FOXP2: variants seen among roughly 807,000 people sequenced by gnomAD.
FOXP2 encodes forkhead box P2.
Under a neutral mutation model 115.8 loss-of-function variants are expected in FOXP2, and 12 were observed. The ratio of observed to expected loss-of-function variants is 0.10; its 90% CI spans 0.07 to 0.17. The LOEUF (loss-of-function observed/expected upper bound fraction) is 0.17, where lower values mean the gene tolerates loss of function less well. FOXP2 is among the 10% of genes least tolerant of loss of function. The probability of loss-of-function intolerance (pLI) is 1.00; values close to 1 mark genes in which losing one functional copy is unlikely to be tolerated. For missense variants in FOXP2, 629 were observed against 843.5 expected, an observed-to-expected ratio of 0.75 and a Z score of 3.15; for synonymous variants, 328 against 297.7, an observed-to-expected ratio of 1.10 and a Z score of -1.05.
At chr7:114,261,259 C>T (rs1795743184) in intron 1 of FOXP2, among the ~76,000 whole-genome samples, 1 of 152,170 alleles carries the variant, frequency 6.6e-6, no homozygotes. Flanking sequence ...AACTTTCCCA[C>T]CTGACATGAA....
rs202049981 is a variant in FOXP2, at chr7:114,642,528, G to A, written c.894G>A (p.Ser298=). ...ACCTCACTACTAACAATTCCTCCTC[G>A]ACTACCTCCTCCAACACTTCCAAAG... ...GLDLTTNNSS[S]TTSSNTSKAS... Residue 298 remains serine (S), a synonymous_variant, in exon 7 of 17, where the codon TCG becomes TCA. Transcript: ENST00000350908. 7 of 1,613,520 alleles carry A rather than the reference G, an allele frequency of 4.3e-6. No individual in the cohort carries two copies. Among genetic ancestry groups the A allele is most frequent in the East Asian group, 2.2e-5 (1 of 44,830 alleles).
At chr7:114,438,026 G>T (rs182945241) in intron 2 of FOXP2, among the ~76,000 whole-genome samples, 2 of 152,106 alleles carry the variant, frequency 1.3e-5, no homozygotes, top group East Asian at 3.9e-4. Flanking sequence ...TGATATTCTG[G>T]AATATATTGG....
At chr7:114,496,257 T>C (rs1274170222) in intron 2 of FOXP2, among the ~76,000 whole-genome samples, 1 of 152,170 alleles carries the variant, frequency 6.6e-6, no homozygotes, top group Non-Finnish European at 1.5e-5. Context: ...TAAAGAACTA[T>C]AAATTTGGCA....
intron 1 of FOXP2, among the ~76,000 whole-genome samples, chr7:114,266,495 G>A (rs949469491): frequency 1.3e-5 from 2 of 152,102 alleles, no homozygotes; most frequent in South Asian, 2.1e-4. Flanking sequence ...ATTTCACATG[G>A]CAAAAGCAGA....
At chr7:114,105,986 A>C (rs182504559) in intron 1 of FOXP2, among the ~76,000 whole-genome samples, 87 of 152,170 alleles carry the variant, frequency 5.7e-4, no homozygotes, top group African/African-American at 2.0e-3. Context: ...GAAAGCAGAA[A>C]CGATGTCTTC....
intron 3 of FOXP2, among the ~76,000 whole-genome samples, chr7:114,623,706 C>T (rs908966290): frequency 2.0e-5 from 3 of 151,918 alleles, no homozygotes; most frequent in African/African-American, 7.2e-5. Context: ...ACAAACACTA[C>T]TTCCCAAAAC....
chr7:114,378,346 T>TG (rs1442135735), intron 2 of FOXP2, among the ~76,000 whole-genome samples: 1 of 152,124 alleles, frequency 6.6e-6, no homozygotes, highest in African/African-American at 2.4e-5. Flanking sequence ...TTAGGCTTCC[T>TG]GCTAATTCTT....
intron 1 of FOXP2, among the ~76,000 whole-genome samples, chr7:114,218,085 T>C (rs1216681632): frequency 6.6e-6 from 1 of 152,178 alleles, no homozygotes; most frequent in Non-Finnish European, 1.5e-5. Context: ...ATCTGTTTTC[T>C]CTATTAGACT....
intron 1 of FOXP2, among the ~76,000 whole-genome samples, chr7:114,228,596 A>G (rs541219022): frequency 2.0e-5 from 3 of 152,074 alleles, no homozygotes; most frequent in African/African-American, 7.2e-5. Context: ...GAACAAGAAG[A>G]AAAGAGCTAC....
chr7:114,530,345 C>A (rs770267015), intron 2 of FOXP2, among the ~76,000 whole-genome samples: 1 of 151,904 alleles, frequency 6.6e-6, no homozygotes, highest in Non-Finnish European at 1.5e-5. Context: ...GATTTTGTAG[C>A]CTTCAGCTCT....
In FOXP2 at chr7:114,631,556, A is replaced by T. The variant is rs1366123623; in HGVS notation, c.626A>T (p.Gln209Leu). The change falls in exon 6 of 17, where the codon CAA becomes CTA. Residue 209 changes from glutamine to leucine, a missense_variant. By Grantham distance (113) the Gln-to-Leu change is moderately radical. Transcript: ENST00000350908. ...CAGCAGCAGCAGCAGCAGCAACAGC[A>T]ATTGGCAGCCCAGCAGCTTGTCTTC... ...EQQQQQQQQQQLAAQQLVFQQ... is the reference protein window; with the variant it reads ...EQQQQQQQQQLLAAQQLVFQQ... The T allele has an allele frequency of 6.3e-7, 1 of 1,589,568 alleles. No individual in the cohort carries two copies. Among genetic ancestry groups the T allele is most frequent in the Non-Finnish European group, 8.6e-7 (1 of 1,167,334 alleles).
chr7:114,221,967 T>C (rs1411134956), intron 1 of FOXP2, among the ~76,000 whole-genome samples: 1 of 152,102 alleles, frequency 6.6e-6, no homozygotes, highest in Non-Finnish European at 1.5e-5. Context: ...GGATGTAATA[T>C]TGACTTCTGA....
chr7:114,438,940 G>A (rs1198184915), intron 2 of FOXP2, among the ~76,000 whole-genome samples: 3 of 152,166 alleles, frequency 2.0e-5, no homozygotes, highest in South Asian at 4.1e-4. Flanking sequence ...AGATGTTAAT[G>A]TGATCTGAGA....
Position 114,172,424 on chromosome 7 carries a change from G to A in FOXP2, c.-102+9336G>A, listed in dbSNP as rs553927620. 6.6e-5 allele frequency among the ~76,000 whole-genome samples: 10 copies of A among 152,294 alleles called. No individual in the cohort carries two copies. The South Asian group carries it at 1.4e-3, about 22-fold the overall frequency. On this transcript the variant is annotated intron_variant, in intron 1 of 17. Coordinates refer to the FOXP2 transcript ENST00000634411. ...CAGCCATTCTCTATGATATTTTAAT[G>A]TTGGACACATGGCATTATGTGTTTG...
intron 1 of FOXP2, among the ~76,000 whole-genome samples, chr7:114,263,715 G>C (rs771696967): frequency 6.6e-6 from 1 of 150,440 alleles, no homozygotes; most frequent in Non-Finnish European, 1.5e-5. Context: ...TAACTGTTAT[G>C]GTTCCTTTAA....
At chr7:114,481,790 A>ATCTATCTATCTG (rs1356262349) in intron 2 of FOXP2, among the ~76,000 whole-genome samples, 1 of 150,666 alleles carries the variant, frequency 6.6e-6, no homozygotes, top group Non-Finnish European at 1.5e-5. Context: ...CTATCTATCT[A>ATCTATCTATCTG]TCTATCTATC....
chr7:114,421,720 A>T (rs1018899129), intron 1 of FOXP2, among the ~76,000 whole-genome samples: 1 of 151,734 alleles, frequency 6.6e-6, no homozygotes, highest in Admixed American at 6.6e-5. Context: ...GAAAATATTC[A>T]TGTGCTGTTT....
At chr7:114,527,037 T>C (rs1195254580) in intron 2 of FOXP2, among the ~76,000 whole-genome samples, 1 of 150,766 alleles carries the variant, frequency 6.6e-6, no homozygotes, top group Non-Finnish European at 1.5e-5. Context: ...ATTCCAGGCA[T>C]ATTATACAAA....
intron 2 of FOXP2, among the ~76,000 whole-genome samples, chr7:114,526,433 G>A (rs1354988389): frequency 2.7e-5 from 4 of 146,246 alleles, no homozygotes; most frequent in African/African-American, 7.6e-5. Context: ...GCTGAGATGC[G>A]CCATTGCACT....
Sources: gnomAD v4.1 joint callset for allele counts (sites outside exome capture counted in the v4.1 genomes callset) on GRCh38, gnomAD v4.1.1 for gene constraint, MANE v1.5 for transcripts, NCBI Gene and HGNC (gene_info 2026-07-23, HGNC 2026-07-21) for gene names.